The following ADAMTS7 variants were observed in gnomAD, a reference collection of about 807,000 sequenced individuals.
The protein encoded by ADAMTS7 is A disintegrin and metalloproteinase with thrombospondin motifs 7.
In ADAMTS7, 89 loss-of-function variants were observed where a neutral mutation model predicts 172.6. The ratio of observed to expected loss-of-function variants is 0.52; its 90% CI spans 0.43 to 0.61. ADAMTS7 has a LOEUF of 0.61. ADAMTS7 is among the 20% of genes least tolerant of loss of function. ADAMTS7 has a pLI of 0.00. For missense variants in ADAMTS7, 1,973 were observed against 2,355.6 expected (o/e 0.84, Z 3.36); for synonymous variants, 885 against 978.4 (o/e 0.90, Z 1.78).
intron 13 of ADAMTS7, 89 bp downstream of exon 13, chr15:78,774,078 A>G: frequency 6.5e-7 from 1 of 1,544,726 alleles, no homozygotes; most frequent in South Asian, 1.2e-5. Flanking sequence ...CCCGAGGAGG[A>G]TCAGGAGGGA....
Position 78,771,833 on chromosome 15 carries a change from T to C in ADAMTS7, c.2132-4A>G, listed in dbSNP as rs1286665863. ...ATCAGCCCCACATCCACATACCCTG[T>C]CAGCCAAGGGTTGTGCATAGGTTGT... On this transcript the variant is annotated splice_polypyrimidine_tract_variant and splice_region_variant and intron_variant, in intron 14 of 23. Transcript: ENST00000388820. This position sits in a 1 kb window ranked among gnomAD's most constrained non-coding sequence, Gnocchi z 4.9. 1.9e-6 allele frequency: 3 copies of C among 1,609,322 alleles called. No individual in the cohort carries two copies. Among genetic ancestry groups the C allele is most frequent in the Non-Finnish European group, 2.5e-6 (3 of 1,179,714 alleles).
At chr15:78,805,676 G>A (rs1009810383) in intron 1 of ADAMTS7, among the ~76,000 whole-genome samples, 3 of 152,144 alleles carry the variant, frequency 2.0e-5, no homozygotes, top group African/African-American at 4.8e-5. Context: ...GCTCATTTAC[G>A]TTACCTGCCT....
chr15:78,762,557 G>T lies in ADAMTS7; in HGVS notation c.4749C>A (p.Gly1583=). The T allele has an allele frequency of 6.5e-7, 1 of 1,535,402 alleles. No homozygotes were observed. The highest frequency in any genetic ancestry group is 8.8e-7 in the Non-Finnish European group (1 of 1,141,690). The change falls in exon 23 of 24, where the codon GGC becomes GGA. Residue 1583 remains glycine (G), a synonymous_variant. Coordinates refer to ENST00000388820, the MANE Select transcript of ADAMTS7 (RefSeq NM_014272.5). ...WVVGPWGQCS[G]PCGGGVQRRL... ...GCCGCTGGACACCACCACCACAGGG[G>T]CCTGAGCACTGAGGGGAGCGGGGGA...
chr15:78,774,826 G>T, intron 11 of ADAMTS7, 33 bp from the exon 12 acceptor site: 3 of 1,555,652 alleles, frequency 1.9e-6, no homozygotes, highest in Non-Finnish European at 2.6e-6. Context: ...CCCCAGTGAC[G>T]GCCCAGTGAG....
chr15:78,784,724 A>C (rs2055478369), intron 8 of ADAMTS7, among the ~76,000 whole-genome samples: 2 of 152,170 alleles, frequency 1.3e-5, no homozygotes, highest in Admixed American at 6.5e-5. Context: ...CAGATTTTTT[A>C]AAAGGTCACA....
At position 78,791,202 on chromosome 15, in the gene ADAMTS7, G is replaced by C. The variant is rs1310318147; in HGVS notation, c.841C>G (p.Pro281Ala). Residue 281 changes from proline to alanine, a missense_variant, in exon 5 of 24, where the codon CCC becomes GCC. This residue lies in a region of ADAMTS7 where 526 missense variants were observed against 662.9 expected (regional missense o/e 0.79). Coordinates refer to ENST00000388820, the MANE Select transcript of ADAMTS7 (RefSeq NM_014272.5). ...ATGTGGATGGGGTTCCCAATGCTGG[G>C]GTCATGAAACAGGCCAGCCACCTGC... ...MNMVAGLFHD[P>A]SIGNPIHITI... 2 of 1,613,362 alleles carry C rather than the reference G, an allele frequency of 1.2e-6. No homozygotes were observed. Among genetic ancestry groups the C allele is most frequent in the Non-Finnish European group, 1.7e-6 (2 of 1,179,704 alleles).
intron 19 of ADAMTS7, 38 bp downstream of exon 19, chr15:78,765,607 T>C (rs4887097): frequency 0.38 from 572,289 of 1,511,954 alleles, 116,038 homozygotes; most frequent in Non-Finnish European, 0.41. Context: ...ACCAAGGTCC[T>C]GCGCAAACTC....
At chr15:78,776,896 C>T in intron 9 of ADAMTS7, 55 bp from the exon 10 acceptor site, 1 of 1,427,136 alleles carries the variant, frequency 7.0e-7, no homozygotes, top group East Asian at 2.5e-5. Context: ...TGCCGCCACC[C>T]ACCCTGCCCC....
In ADAMTS7 at chr15:78,759,374, G is replaced by A. The variant is rs184659738; in HGVS notation, c.*47C>T. 0.014 allele frequency: 21,112 copies of A among 1,530,858 alleles called. 182 individuals carry two copies. The highest frequency in any genetic ancestry group is 0.016 in the Non-Finnish European group (18,772 of 1,140,784). 94.8% of individuals were successfully genotyped at this position (1,530,858 alleles called of 1,614,324 possible). ...GGGGGCGGGAGCTCCGCCACAGCCCGTGGTGGGCACTGAGGTCTGTCGGTC... is the reference window on the plus strand; with the variant it reads ...GGGGGCGGGAGCTCCGCCACAGCCCATGGTGGGCACTGAGGTCTGTCGGTC... On this transcript the variant is annotated 3_prime_UTR_variant, in exon 24 of 24. Coordinates refer to ENST00000388820, the MANE Select transcript of ADAMTS7 (RefSeq NM_014272.5).
chr15:78,794,745 T>C (rs1161471959), intron 4 of ADAMTS7, among the ~76,000 whole-genome samples: 1 of 151,836 alleles, frequency 6.6e-6, no homozygotes, highest in Non-Finnish European at 1.5e-5. Context: ...TGAGATGGAG[T>C]CTCGCTCTGT....
chr15:78,797,804 C>T (rs2055665559), intron 3 of ADAMTS7, 144 bp downstream of exon 3: 3 of 964,916 alleles, frequency 3.1e-6, no homozygotes, highest in Non-Finnish European at 4.5e-6. Flanking sequence ...AGGGCACAGG[C>T]TATGGTAAAG....
At chr15:78,800,591 G>A (rs1210951094) in intron 1 of ADAMTS7, 44 bp from the exon 2 acceptor site, 2 of 1,543,886 alleles carry the variant, frequency 1.3e-6, no homozygotes, top group Admixed American at 2.0e-5. Context: ...GGGCAGACCC[G>A]GGTCCTTGCT....
At chr15:78,792,406 C>T (rs1052276447) in intron 4 of ADAMTS7, among the ~76,000 whole-genome samples, 2 of 152,190 alleles carry the variant, frequency 1.3e-5, no homozygotes, top group Non-Finnish European at 2.9e-5. Flanking sequence ...CCATATTCTG[C>T]GGCCCCTCCA....
At position 78,796,748 on chromosome 15, in the gene ADAMTS7, G is replaced by A; in HGVS notation, c.661C>T (p.Gln221Ter). The A allele has an allele frequency of 2.5e-6, 4 of 1,612,076 alleles. No homozygotes were observed. The highest frequency in any genetic ancestry group is 3.4e-6 in the Non-Finnish European group (4 of 1,179,812). The change falls in exon 4 of 24, where the codon CAG becomes TAG. Residue 221 changes from glutamine to a stop codon, truncating the protein, a stop_gained. Coordinates refer to ENST00000388820, the MANE Select transcript of ADAMTS7 (RefSeq NM_014272.5). LOFTEE classifies it high-confidence loss of function. ...ELESRRERWE[Q>*]RQQWRRPRLR... The stretch of plus-strand genomic sequence containing the variant: ...CGTGGCCGCCGCCACTGCTGCCGCT[G>A]CTCCCAACGCTCCCGTCGAGACTCC...
intron 8 of ADAMTS7, among the ~76,000 whole-genome samples, chr15:78,785,088 C>G (rs527425346): frequency 3.3e-5 from 5 of 152,032 alleles, no homozygotes; most frequent in African/African-American, 9.6e-5. Flanking sequence ...CTGGAGGACA[C>G]AGGGAAGTTG....
At chr15:78,767,655 C>T in intron 17 of ADAMTS7, 63 bp from the exon 18 acceptor site, 1 of 1,438,914 alleles carries the variant, frequency 6.9e-7, no homozygotes, top group Non-Finnish European at 9.3e-7. Flanking sequence ...GGCTCACCAG[C>T]AGGGGGGGCC....
chr15:78,789,566 G>C lies in ADAMTS7; in HGVS notation c.1178+123C>G, dbSNP rs558235824. 7.4e-6 allele frequency: 10 copies of C among 1,350,690 alleles called. No homozygotes were observed. The African/African-American group carries it at 1.0e-4, about 14-fold the overall frequency. 83.7% of individuals were successfully genotyped at this position (1,350,690 alleles called of 1,614,324 possible). On this transcript the variant is annotated intron_variant, in intron 7 of 23. Transcript: ENST00000388820. The stretch of plus-strand genomic sequence containing the variant: ...CAGGGGCAGCACATGGCCAGTCAGG[G>C]CTCCTTTTCCAGAGAGCTTCCTTTC...
intron 8 of ADAMTS7, among the ~76,000 whole-genome samples, chr15:78,777,912 G>A (rs1453891687): frequency 6.6e-6 from 1 of 152,172 alleles, no homozygotes; most frequent in South Asian, 2.1e-4. Flanking sequence ...CCTGCTCTCC[G>A]ACCCTGCAGC....
intron 16 of ADAMTS7, 140 bp from the exon 17 acceptor site, chr15:78,768,399 G>A (rs1194006284): frequency 1.6e-6 from 2 of 1,289,118 alleles, no homozygotes; most frequent in Non-Finnish European, 2.2e-6. Flanking sequence ...ATGTCAGGAT[G>A]AAGGCAGACC....
Sources: allele counts gnomAD v4.1 joint callset (sites outside exome capture counted in the v4.1 genomes callset), GRCh38; gene constraint gnomAD v4.1.1; regional missense constraint gnomAD v4.1.1; non-coding constraint Gnocchi (gnomAD v3.1); transcripts MANE v1.5; gene names NCBI Gene and HGNC (gene_info 2026-07-23, HGNC 2026-07-21).